Variants in ERBB4 observed in about 807,000 individuals in gnomAD.
The protein encoded by ERBB4 is erb-b2 receptor tyrosine kinase 4.
A neutral mutation model predicts 158.0 loss-of-function variants in ERBB4; 42 were observed. The ratio of observed to expected loss-of-function variants is 0.27; its 90% CI spans 0.21 to 0.34. ERBB4 has a LOEUF of 0.34. ERBB4 is among the 10% of genes least tolerant of loss of function. The pLI, the probability that ERBB4 is intolerant of heterozygous loss-of-function variation, is 1.00. For missense variants in ERBB4, 1,333 were observed against 1,624.1 expected (o/e 0.82, Z 3.08); for synonymous variants, 583 against 558.7 (o/e 1.04, Z -0.61).
At chr2:211,575,971 T>C (rs558438140) in intron 19 of ERBB4, among the ~76,000 whole-genome samples, 27 of 152,340 alleles carry the variant, frequency 1.8e-4, no homozygotes, top group African/African-American at 6.5e-4. Flanking sequence ...CTGTGATTAA[T>C]ATGCAAGTTT....
chr2:212,046,842 G>T (rs2077273275), intron 2 of ERBB4, among the ~76,000 whole-genome samples: 3 of 152,042 alleles, frequency 2.0e-5, no homozygotes, highest in African/African-American at 7.2e-5. Context: ...AAAAGTTCAA[G>T]GTAAATTAAT....
intron 20 of ERBB4, among the ~76,000 whole-genome samples, chr2:211,558,411 T>A (rs2067295905): frequency 6.6e-6 from 1 of 152,136 alleles, no homozygotes; most frequent in South Asian, 2.1e-4. Context: ...GTGACTACAA[T>A]GGGCCGATCT....
intron 1 of ERBB4, among the ~76,000 whole-genome samples, chr2:212,363,257 C>A (rs1034715018): frequency 1.3e-5 from 2 of 151,252 alleles, no homozygotes; most frequent in African/African-American, 2.4e-5. Context: ...AAATCAATTT[C>A]TTTTCATCAT....
intron 2 of ERBB4, among the ~76,000 whole-genome samples, chr2:212,103,633 T>A (rs1476261769): frequency 6.6e-6 from 1 of 151,974 alleles, no homozygotes; most frequent in African/African-American, 2.4e-5. Context: ...ATTTTAAAAC[T>A]ACTTCTCAGT....
chr2:212,073,812 A>G (rs187672872), intron 2 of ERBB4, among the ~76,000 whole-genome samples: 1 of 151,852 alleles, frequency 6.6e-6, no homozygotes, highest in African/African-American at 2.4e-5. Context: ...AAGCATGATT[A>G]TTTTTTTACA....
At chr2:211,589,832 T>C (rs1559327631) in intron 19 of ERBB4, among the ~76,000 whole-genome samples, 1 of 152,140 alleles carries the variant, frequency 6.6e-6, no homozygotes, top group Non-Finnish European at 1.5e-5. Flanking sequence ...TGTTTAGCAT[T>C]ATTAAAAACA....
chr2:211,755,577 C>T, intron 4 of ERBB4, among the ~76,000 whole-genome samples: 1 of 152,178 alleles, frequency 6.6e-6, no homozygotes, highest in Admixed American at 6.5e-5. Flanking sequence ...TATTTTAATT[C>T]ACAAGCAATC....
chr2:212,395,271 G>A (rs1032051004), intron 1 of ERBB4, among the ~76,000 whole-genome samples: 1 of 151,988 alleles, frequency 6.6e-6, no homozygotes, highest in African/African-American at 2.4e-5. Flanking sequence ...ACTTCAAATG[G>A]TGATTATCTT....
chr2:211,505,139 G>C (rs984308287), intron 20 of ERBB4, among the ~76,000 whole-genome samples: 11 of 151,936 alleles, frequency 7.2e-5, no homozygotes, highest in African/African-American at 2.2e-4. Flanking sequence ...CATTACCAAG[G>C]TGTATAGTCA....
At chr2:212,439,102 CACTT>C (rs1335901509) in intron 1 of ERBB4, among the ~76,000 whole-genome samples, 1 of 152,132 alleles carries the variant, frequency 6.6e-6, no homozygotes, top group East Asian at 1.9e-4. Context: ...GAAAGGAACA[CACTT>C]TCAACAGTGT....
chr2:211,923,702 C>T (rs538677964), intron 3 of ERBB4, among the ~76,000 whole-genome samples: 1 of 150,908 alleles, frequency 6.6e-6, no homozygotes, highest in Non-Finnish European at 1.5e-5. Context: ...AGAGGTTGCT[C>T]ATAATCTAAG....
chr2:211,747,097 T>C (rs2074999676), intron 5 of ERBB4, among the ~76,000 whole-genome samples: 1 of 152,156 alleles, frequency 6.6e-6, no homozygotes, highest in Non-Finnish European at 1.5e-5. Context: ...TCTCTTCAGG[T>C]TCAAGTTTCT....
At chr2:211,772,286 C>T (rs917503316) in intron 4 of ERBB4, among the ~76,000 whole-genome samples, 4 of 152,164 alleles carry the variant, frequency 2.6e-5, no homozygotes, top group South Asian at 4.1e-4. Context: ...TTTATCAGCA[C>T]GGCACTGACA....
At chr2:212,347,205 G>A (rs575317350) in intron 1 of ERBB4, among the ~76,000 whole-genome samples, 1 of 152,036 alleles carries the variant, frequency 6.6e-6, no homozygotes, top group Non-Finnish European at 1.5e-5. Flanking sequence ...AATGCCAAAG[G>A]AAGAAAAATG....
chr2:211,716,527 T>G (rs1046518301), intron 7 of ERBB4, among the ~76,000 whole-genome samples: 36 of 150,704 alleles, frequency 2.4e-4, no homozygotes, highest in African/African-American at 8.3e-4. Flanking sequence ...ATACAAAAAA[T>G]TAGCCGGGCC....
At chr2:212,480,810 A>G (rs1689657474) in intron 1 of ERBB4, among the ~76,000 whole-genome samples, 1 of 152,240 alleles carries the variant, frequency 6.6e-6, no homozygotes, top group Non-Finnish European at 1.5e-5. Flanking sequence ...TTTTAAAAGG[A>G]AATGATTTCA....
intron 5 of ERBB4, among the ~76,000 whole-genome samples, chr2:211,727,761 T>C (rs947271308): frequency 2.6e-5 from 4 of 151,992 alleles, no homozygotes; most frequent in Admixed American, 2.6e-4. Context: ...CCATTTGACA[T>C]GATTAATTAA....
At chr2:211,477,359 C>G (rs2064981040) in intron 20 of ERBB4, among the ~76,000 whole-genome samples, 1 of 151,994 alleles carries the variant, frequency 6.6e-6, no homozygotes. Flanking sequence ...CACATTTATT[C>G]TGTTGGTTTT....
chr2:212,150,093 T>C (rs1430378230), intron 1 of ERBB4, among the ~76,000 whole-genome samples: 1 of 152,158 alleles, frequency 6.6e-6, no homozygotes, highest in Non-Finnish European at 1.5e-5. Context: ...AAGGTTATTG[T>C]AATAAAGTGC....
Sources: gnomAD v4.1 joint callset for allele counts (sites outside exome capture counted in the v4.1 genomes callset) on GRCh38, gnomAD v4.1.1 for gene constraint, MANE v1.5 for transcripts, NCBI Gene and HGNC (gene_info 2026-07-23, HGNC 2026-07-21) for gene names.